The following TMEM232 variants were observed in gnomAD, a reference collection of about 807,000 sequenced individuals.
TMEM232 encodes the protein transmembrane protein 232.
TMEM232 carries 80 observed loss-of-function variants against 78.8 expected under a neutral mutation model. The ratio of observed to expected loss-of-function variants is 1.01; its 90% CI spans 0.85 to 1.22. The LOEUF (loss-of-function observed/expected upper bound fraction) is 1.22, where lower values mean the gene tolerates loss of function less well. Among genes scored for constraint, TMEM232 ranks in the 50% most tolerant of loss-of-function variants. The pLI is 0.00. For synonymous variants in TMEM232, 297 were observed against 254.3 expected, an observed-to-expected ratio of 1.17 and a Z score of -1.60; for missense variants, 881 against 742.2, an observed-to-expected ratio of 1.19 and a Z score of -2.17.
In TMEM232 at chr5:110,653,279, G is replaced by T. The variant is rs1404830370; in HGVS notation, c.126-10908C>A. 2.0e-5 allele frequency among the ~76,000 whole-genome samples: 3 copies of T among 152,302 alleles called. No homozygotes were observed. The East Asian group carries it at 5.8e-4, about 29-fold the overall frequency. ...ACTTCCATGTCCTATAATCTTTGCT[G>T]AATCACTTAATCTGTGGGAGCTATA... On this transcript the variant is annotated intron_variant, in intron 2 of 13. Coordinates refer to ENST00000455884, the MANE Select transcript of TMEM232 (RefSeq NM_001039763.4).
downstream of TMEM232, chr5:110,418,271 CTT>C (rs1025774554): frequency 3.9e-5 from 6 of 152,040 alleles, no homozygotes; most frequent in African/African-American, 1.2e-4. Context: ...TGATATCACT[CTT>C]TACATAAATT....
chr5:110,584,989 C>G (rs1778642276), intron 10 of TMEM232, among the ~76,000 whole-genome samples: 1 of 152,086 alleles, frequency 6.6e-6, no homozygotes, highest in Admixed American at 6.6e-5. Context: ...ATTTCTGGTT[C>G]ATGGGTCTTT....
rs186928208 is a variant in TMEM232 at position 110,393,566 on chromosome 5, G to A, written n.391-2926C>T. On this transcript the variant is annotated intron_variant and non_coding_transcript_variant, in intron 3 of 8. Transcript: ENST00000507188. The stretch of plus-strand genomic sequence containing the variant: ...TATAGATAGCATATAATTGAAACTT[G>A]CCTTTTAATCCAATACAACTTTTTA... Among the ~76,000 whole-genome samples the A allele has an allele frequency of 5.3e-5, 8 of 152,084 alleles. No individual in the cohort carries two copies. In the East Asian group the frequency reaches 1.5e-3, roughly 29 times the overall value.
intron 2 of TMEM232, among the ~76,000 whole-genome samples, chr5:110,647,838 G>A (rs1385585863): frequency 1.3e-5 from 2 of 151,752 alleles, no homozygotes; most frequent in Admixed American, 6.6e-5. Flanking sequence ...CATTCAACAG[G>A]TGCATACTAT....
chr5:110,727,993 T>C (rs2150368336), upstream of TMEM232, among the ~76,000 whole-genome samples: 1 of 152,210 alleles, frequency 6.6e-6, no homozygotes, highest in South Asian at 2.1e-4. Context: ...TCAAGAGATC[T>C]AGAAAAGTGT....
chr5:110,427,894 T>G (rs573667747), intron 12 of TMEM232, among the ~76,000 whole-genome samples: 2 of 151,998 alleles, frequency 1.3e-5, no homozygotes, highest in East Asian at 1.9e-4. Context: ...TTAAGGGGTA[T>G]ATGAGATGTT....
At chr5:110,461,952 G>A (rs1761580184) in intron 12 of TMEM232, among the ~76,000 whole-genome samples, 1 of 152,260 alleles carries the variant, frequency 6.6e-6, no homozygotes, top group South Asian at 2.1e-4. Context: ...CAAAAGCTCT[G>A]GTGGAGATGT....
At chr5:110,504,281 T>A (rs1334348579) in intron 12 of TMEM232, among the ~76,000 whole-genome samples, 2 of 152,182 alleles carry the variant, frequency 1.3e-5, no homozygotes, top group East Asian at 3.8e-4. Context: ...ATAGAGGACA[T>A]ATTTTAATAT....
At chr5:110,651,866 TATAAAA>T (rs1218257132) in intron 2 of TMEM232, among the ~76,000 whole-genome samples, 2 of 152,162 alleles carry the variant, frequency 1.3e-5, no homozygotes, top group Non-Finnish European at 2.9e-5. Context: ...CTCTAAAGCC[TATAAAA>T]ATCTGCCCTA....
chr5:110,588,112 T>A (rs1033986400), intron 10 of TMEM232, among the ~76,000 whole-genome samples: 3 of 152,112 alleles, frequency 2.0e-5, no homozygotes, highest in Non-Finnish European at 4.4e-5. Flanking sequence ...CAATTAACTC[T>A]CATTTACTTT....
intron 1 of TMEM232, among the ~76,000 whole-genome samples, chr5:110,690,392 A>T (rs1009219413): frequency 1.3e-5 from 2 of 152,374 alleles, no homozygotes; most frequent in African/African-American, 4.8e-5. Flanking sequence ...ATCACTGGTC[A>T]TTAGAGAAAT....
At chr5:110,458,436 T>G (rs1304463791) in intron 12 of TMEM232, among the ~76,000 whole-genome samples, 1 of 152,152 alleles carries the variant, frequency 6.6e-6, no homozygotes, top group Non-Finnish European at 1.5e-5. Flanking sequence ...CTATCTGTGT[T>G]CTCTGAATTT....
At chr5:110,508,642 T>C (rs1767249944) in intron 12 of TMEM232, among the ~76,000 whole-genome samples, 1 of 150,476 alleles carries the variant, frequency 6.6e-6, no homozygotes, top group African/African-American at 2.4e-5. Flanking sequence ...ACACTTCTGA[T>C]TTCATTGTAG....
chr5:110,718,769 G>A (rs1797282330), intron 1 of TMEM232, among the ~76,000 whole-genome samples: 1 of 151,824 alleles, frequency 6.6e-6, no homozygotes, highest in Non-Finnish European at 1.5e-5. Flanking sequence ...TTCTCTAAGG[G>A]TTCTATTCAT....
intron 12 of TMEM232, among the ~76,000 whole-genome samples, chr5:110,482,626 G>A (rs1014238625): frequency 1.3e-5 from 2 of 150,416 alleles, no homozygotes; most frequent in Admixed American, 6.6e-5. Context: ...AATTAATGAT[G>A]AGCTTACATA....
chr5:110,559,332 A>T (rs1775490424), intron 11 of TMEM232, among the ~76,000 whole-genome samples: 1 of 152,154 alleles, frequency 6.6e-6, no homozygotes, highest in South Asian at 2.1e-4. Flanking sequence ...TAAGGGATAA[A>T]TTTGATAAAA....
chr5:110,701,492 A>T (rs546807561), intron 1 of TMEM232, among the ~76,000 whole-genome samples: 32 of 152,160 alleles, frequency 2.1e-4, no homozygotes, highest in Admixed American at 1.7e-3. Flanking sequence ...GATTTGTACA[A>T]GGTTTGAGCA....
chr5:110,589,891 C>T (rs971581120), intron 10 of TMEM232, among the ~76,000 whole-genome samples: 7 of 152,152 alleles, frequency 4.6e-5, no homozygotes, highest in Non-Finnish European at 8.8e-5. Context: ...ATTTTCTTCA[C>T]ATTCCCTCAT....
Position 110,424,901 on chromosome 5 carries a change from T to C in TMEM232, c.1719A>G (p.Val573=), listed in dbSNP as rs557086152. The change falls in exon 13 of 14, where the codon GTA becomes GTG. Residue 573 remains valine, a synonymous_variant. Transcript: ENST00000455884. ...GATATGGAAACATGGGAATTTCTGA[T>C]ACAGAAGGATGTTCCCTTCAAAAGA... ...LHFTVREHPS[V]SEIPMFPYPD... 3 of 1,550,226 alleles carry C rather than the reference T, an allele frequency of 1.9e-6. No homozygotes were observed. Among genetic ancestry groups the C allele is most frequent in the East Asian group, 2.5e-5 (1 of 40,800 alleles).
Sources: gnomAD v4.1 joint callset for allele counts (sites outside exome capture counted in the v4.1 genomes callset) on GRCh38, gnomAD v4.1.1 for gene constraint, MANE v1.5 for transcripts, NCBI Gene and HGNC (gene_info 2026-07-23, HGNC 2026-07-21) for gene names.